ONECUT1: variants seen among roughly 807,000 people sequenced by gnomAD.
ONECUT1 encodes hepatocyte nuclear factor 6.
In ONECUT1, 12 loss-of-function variants were observed where a neutral mutation model predicts 25.6. That is an observed-to-expected ratio of 0.47 (90% CI 0.30 to 0.76). ONECUT1 has a LOEUF of 0.76. Among genes scored for constraint, ONECUT1 ranks in the 30% least tolerant of loss-of-function variants. The pLI is 0.07. For missense variants in ONECUT1, 620 were observed against 651.2 expected, an observed-to-expected ratio of 0.95 and a Z score of 0.52; for synonymous variants, 285 against 270.2, an observed-to-expected ratio of 1.05 and a Z score of -0.54.
intron 1 of ONECUT1, among the ~76,000 whole-genome samples, chr15:52,778,995 C>CTTTT (rs547428108): frequency 7.1e-6 from 1 of 141,132 alleles, no homozygotes; most frequent in Non-Finnish European, 1.6e-5. Flanking sequence ...AGAGGGTTTT[C>CTTTT]TTTTTTTTTT....
chr15:52,786,876 G>A lies in ONECUT1; in HGVS notation c.1105+1904C>T, dbSNP rs75715691. ...GGATGGGGACCGAGTTTTCCCGGAG[G>A]GGTAGCCTTCTCCATTTCTATCTTC... On this transcript the variant is annotated intron_variant, in intron 1 of 1. Transcript: ENST00000305901. 1,455 of 152,504 alleles carry A rather than the reference G, an allele frequency of 9.5e-3. 26 individuals carry two copies. Among genetic ancestry groups the A allele is most frequent in the African/African-American group, 0.033 (1,356 of 41,562 alleles). The allele number at this position is 152,504 out of a possible 1,614,324, so 9.4% of individuals were successfully genotyped here.
intron 1 of ONECUT1, among the ~76,000 whole-genome samples, chr15:52,782,146 A>G (rs943370851): frequency 1.4e-4 from 22 of 152,362 alleles, no homozygotes; most frequent in African/African-American, 5.1e-4. Context: ...TCAACCCATC[A>G]TCTTGGTACT....
chr15:52,763,207 G>T (rs547002272), intron 1 of ONECUT1, among the ~76,000 whole-genome samples: 5 of 152,302 alleles, frequency 3.3e-5, no homozygotes, highest in African/African-American at 1.2e-4. Flanking sequence ...CTCCATGAGG[G>T]TGGGCAAGCA....
chr15:52,780,498 C>T (rs1463999961), intron 1 of ONECUT1: 4 of 1,247,114 alleles, frequency 3.2e-6, no homozygotes, highest in African/African-American at 3.0e-5. Context: ...ACAAATATGT[C>T]TTTGTCTAGC....
intron 1 of ONECUT1, chr15:52,780,656 G>C (rs1179685640): frequency 1.3e-6 from 2 of 1,534,248 alleles, no homozygotes; most frequent in Non-Finnish European, 1.7e-6. Context: ...CTCCTCTCAC[G>C]CACTTCAGTC....
chr15:52,767,221 C>A (rs1021864034), intron 1 of ONECUT1, among the ~76,000 whole-genome samples: 1 of 152,098 alleles, frequency 6.6e-6, no homozygotes, highest in African/African-American at 2.4e-5. Flanking sequence ...GGGAGGTACA[C>A]CTCCCGCTCC....
At chr15:52,773,479 A>G (rs6493581) in intron 1 of ONECUT1, among the ~76,000 whole-genome samples, 78,769 of 152,014 alleles carry the variant, frequency 0.52, 20,556 homozygotes, top group Non-Finnish European at 0.54. Context: ...ACATATTTGT[A>G]TGTGTGTGTA....
chr15:52,786,211 C>T (rs1266186083), intron 1 of ONECUT1, among the ~76,000 whole-genome samples: 1 of 152,206 alleles, frequency 6.6e-6, no homozygotes, highest in East Asian at 1.9e-4. Context: ...GAAAATAACC[C>T]CACTCTTTTT....
At chr15:52,760,899 C>T (rs1464639609) in intron 1 of ONECUT1, among the ~76,000 whole-genome samples, 2 of 152,090 alleles carry the variant, frequency 1.3e-5, no homozygotes, top group Non-Finnish European at 1.5e-5. Context: ...ACAGTGGGTG[C>T]TGTGGTCTAC....
At chr15:52,769,785 G>A (rs2141452305) in intron 1 of ONECUT1, among the ~76,000 whole-genome samples, 1 of 152,316 alleles carries the variant, frequency 6.6e-6, no homozygotes, top group Admixed American at 6.5e-5. Flanking sequence ...GTACCAGAGG[G>A]CAGAGGTGTA....
chr15:52,781,471 T>C (rs1463748964), intron 1 of ONECUT1, among the ~76,000 whole-genome samples: 2 of 152,238 alleles, frequency 1.3e-5, no homozygotes, highest in African/African-American at 2.4e-5. Flanking sequence ...GAATCAGTTA[T>C]TTCCACATTC....
intron 1 of ONECUT1, chr15:52,787,691 C>T: frequency 6.6e-6 from 1 of 152,414 alleles, no homozygotes; most frequent in Non-Finnish European, 1.5e-5. Context: ...TTGGCAACCG[C>T]CGGCCGGATC....
At chr15:52,782,852 C>A (rs74362658) in intron 1 of ONECUT1, among the ~76,000 whole-genome samples, 3,293 of 152,244 alleles carry the variant, frequency 0.022, 64 homozygotes, top group South Asian at 0.067. Context: ...ATGGACTTTA[C>A]AAAGAGCACA....
chr15:52,759,305 C>A (rs2141444588), intron 1 of ONECUT1, among the ~76,000 whole-genome samples: 1 of 152,172 alleles, frequency 6.6e-6, no homozygotes, highest in Non-Finnish European at 1.5e-5. Flanking sequence ...CTCTCCTCAG[C>A]CTGCCCCTCC....
intron 1 of ONECUT1, among the ~76,000 whole-genome samples, chr15:52,771,602 T>TG (rs1441144866): frequency 6.6e-6 from 1 of 151,918 alleles, no homozygotes; most frequent in Non-Finnish European, 1.5e-5. Context: ...TGTCTGTTTT[T>TG]TTTTACAATG....
At position 52,789,971 on chromosome 15, in the gene ONECUT1, C is replaced by T. The variant is rs1183288172; in HGVS notation, c.-87G>A. 10 of 1,432,222 alleles carry T rather than the reference C, an allele frequency of 7.0e-6. No individual in the cohort carries two copies. Among genetic ancestry groups the T allele is most frequent in the Non-Finnish European group, 9.1e-6 (10 of 1,100,136 alleles). The allele number at this position is 1,432,222 out of a possible 1,614,324, so 88.7% of individuals were successfully genotyped here. A position where few individuals can be genotyped will look rare whatever the true frequency, so the allele number is the denominator to read the frequency against. ...GGCGCACGGAGTCCGGTCTTCACAT[C>T]GGCTGCTGGCGACTGTTGCCTTCCT... On this transcript the variant is annotated 5_prime_UTR_variant, in exon 1 of 2. Transcript: ENST00000305901. The surrounding 1 kb of genome is among the most constrained non-coding windows in gnomAD (Gnocchi z 4.1).
chr15:52,783,206 G>T (rs982473175), intron 1 of ONECUT1, among the ~76,000 whole-genome samples: 1 of 152,206 alleles, frequency 6.6e-6, no homozygotes, highest in East Asian at 1.9e-4. Context: ...TCCAACCCCT[G>T]TCACACCCAC....
At chr15:52,770,861 TGA>T (rs536066470) in intron 1 of ONECUT1, among the ~76,000 whole-genome samples, 30 of 150,800 alleles carry the variant, frequency 2.0e-4, no homozygotes, top group Non-Finnish European at 2.8e-4. Flanking sequence ...TGTCAGTTTA[TGA>T]GAGAGAGAGA....
Position 52,788,546 on chromosome 15 carries a change from G to A in ONECUT1, c.1105+234C>T, listed in dbSNP as rs1013428507. ...GCAAATGAGCCTCTTCAGTCGCCGA[G>A]GCCCGGCCGCTTAGCTCTCGGAGCC... On this transcript the variant is annotated intron_variant, in intron 1 of 1. Transcript: ENST00000305901. The surrounding 1 kb of genome is among the most constrained non-coding windows in gnomAD (Gnocchi z 4.3). 16 of 501,992 alleles carry A rather than the reference G, an allele frequency of 3.2e-5. No homozygotes were observed. Among genetic ancestry groups the A allele is most frequent in the African/African-American group, 2.8e-4 (15 of 52,934 alleles). 31.1% of individuals were successfully genotyped at this position (501,992 alleles called of 1,614,324 possible).
Sources: allele counts gnomAD v4.1 joint callset (sites outside exome capture counted in the v4.1 genomes callset), GRCh38; gene constraint gnomAD v4.1.1; non-coding constraint Gnocchi (gnomAD v3.1); transcripts MANE v1.5; gene names NCBI Gene and HGNC (gene_info 2026-07-23, HGNC 2026-07-21).